LDB2: variants seen among roughly 807,000 people sequenced by gnomAD.
The protein encoded by LDB2 is LIM domain binding 2.
LDB2 carries 12 observed loss-of-function variants against 44.3 expected under a neutral mutation model. The ratio of observed to expected loss-of-function variants is 0.27; its 90% CI spans 0.17 to 0.44. The LOEUF is 0.44. Among genes scored for constraint, LDB2 ranks in the 20% least tolerant of loss-of-function variants. The pLI, the probability that LDB2 is intolerant of heterozygous loss-of-function variation, is 1.00. For synonymous variants in LDB2, 164 were observed against 174.8 expected, an observed-to-expected ratio of 0.94 and a Z score of 0.49; for missense variants, 344 against 473.5, an observed-to-expected ratio of 0.73 and a Z score of 2.54.
intron 1 of LDB2, among the ~76,000 whole-genome samples, chr4:16,771,553 C>T (rs978243520): frequency 3.9e-5 from 6 of 152,280 alleles, no homozygotes; most frequent in Admixed American, 3.3e-4. Flanking sequence ...CCAACTCCAT[C>T]CCCTACAAGC....
At chr4:16,732,783 T>C (rs1482734695) in intron 2 of LDB2, among the ~76,000 whole-genome samples, 1 of 152,094 alleles carries the variant, frequency 6.6e-6, no homozygotes, top group African/African-American at 2.4e-5. Context: ...GGAAAGAAAA[T>C]TGTGGGAGGC....
intron 2 of LDB2, among the ~76,000 whole-genome samples, chr4:16,635,237 C>T (rs895186287): frequency 6.6e-6 from 1 of 151,854 alleles, no homozygotes; most frequent in African/African-American, 2.4e-5. Flanking sequence ...ACATGTATAC[C>T]TATGTAACAA....
In LDB2 at chr4:16,723,082, GT is replaced by G. The variant is rs572970866; in HGVS notation, c.235+36075del. 7.9e-5 allele frequency among the ~76,000 whole-genome samples: 12 copies of G among 152,300 alleles called. No homozygotes were observed. In the South Asian group the frequency reaches 2.1e-3, roughly 26 times the overall value. ...GTAAGTTAAGGAGCATCTGTACTGT[GT>G]TTAATATAGCATGTAAGCTGCACAG... On this transcript the variant is annotated intron_variant, in intron 2 of 7. Coordinates refer to ENST00000304523, the MANE Select transcript of LDB2 (RefSeq NM_001290.5).
At chr4:16,522,134 G>T (rs1157718144) in intron 5 of LDB2, among the ~76,000 whole-genome samples, 1 of 132,226 alleles carries the variant, frequency 7.6e-6, no homozygotes, top group East Asian at 2.0e-4. Flanking sequence ...CTAGGTTCTG[G>T]CTTATGGAAA....
intron 2 of LDB2, among the ~76,000 whole-genome samples, chr4:16,747,978 A>T (rs1764721474): frequency 6.6e-6 from 1 of 152,236 alleles, no homozygotes; most frequent in Non-Finnish European, 1.5e-5. Context: ...AAATAAGATT[A>T]TTCAAAGGCA....
chr4:16,709,983 G>A (rs1755506973), intron 2 of LDB2, among the ~76,000 whole-genome samples: 1 of 152,138 alleles, frequency 6.6e-6, no homozygotes, highest in Admixed American at 6.6e-5. Context: ...GGCCATTTGA[G>A]ATTAGGAGCC....
chr4:16,851,608 T>G (rs1387701040), intron 1 of LDB2, among the ~76,000 whole-genome samples: 1 of 148,002 alleles, frequency 6.8e-6, no homozygotes, highest in Non-Finnish European at 1.5e-5. Flanking sequence ...AAAAAAAAAA[T>G]AATAAGAAAA....
At chr4:16,791,757 G>C (rs143732026) in intron 1 of LDB2, among the ~76,000 whole-genome samples, 124 of 152,126 alleles carry the variant, frequency 8.2e-4, no homozygotes, top group African/African-American at 2.9e-3. Context: ...AGGCTGGGAG[G>C]CTTGCACGAA....
At chr4:16,754,540 T>A (rs1459281891) in intron 2 of LDB2, among the ~76,000 whole-genome samples, 1 of 152,000 alleles carries the variant, frequency 6.6e-6, no homozygotes, top group Non-Finnish European at 1.5e-5. Flanking sequence ...TTTTTTTTTT[T>A]TTATTGAGAC....
chr4:16,640,195 T>C (rs1734751328), intron 2 of LDB2, among the ~76,000 whole-genome samples: 1 of 152,242 alleles, frequency 6.6e-6, no homozygotes, highest in South Asian at 2.1e-4. Context: ...CTACAAGGGA[T>C]AAGAGGACAA....
chr4:16,778,913 G>A (rs1470753454), intron 1 of LDB2, among the ~76,000 whole-genome samples: 1 of 152,136 alleles, frequency 6.6e-6, no homozygotes, highest in Non-Finnish European at 1.5e-5. Flanking sequence ...TGGTTTAAGG[G>A]CCCTTCCAGT....
chr4:16,692,463 G>T (rs922732477), intron 2 of LDB2, among the ~76,000 whole-genome samples: 1 of 152,082 alleles, frequency 6.6e-6, no homozygotes, highest in African/African-American at 2.4e-5. Context: ...ACTTCACCTT[G>T]GAAAGTAGCG....
At chr4:16,562,579 A>G (rs1742798808) in intron 5 of LDB2, among the ~76,000 whole-genome samples, 2 of 152,226 alleles carry the variant, frequency 1.3e-5, no homozygotes, top group South Asian at 4.1e-4. Context: ...GGTACTGGAG[A>G]GGATGTGGAC....
chr4:16,604,779 T>C (rs1457745565), intron 2 of LDB2, among the ~76,000 whole-genome samples: 1 of 152,162 alleles, frequency 6.6e-6, no homozygotes, highest in Admixed American at 6.5e-5. Context: ...TTTTCAGCAA[T>C]AAAGCAATTT....
chr4:16,746,102 G>A (rs1458047546), intron 2 of LDB2, among the ~76,000 whole-genome samples: 2 of 152,112 alleles, frequency 1.3e-5, no homozygotes, highest in African/African-American at 4.8e-5. Context: ...TATTGACCAT[G>A]GGCCTTTCTG....
chr4:16,659,640 TACACACACAC>T (rs560365429), intron 2 of LDB2, among the ~76,000 whole-genome samples: 1 of 100,172 alleles, frequency 1.0e-5, no homozygotes, highest in Non-Finnish European at 2.4e-5. Context: ...TTTATATATA[TACACACACAC>T]ATATGAGTAT....
At chr4:16,563,962 A>G (rs1743534272) in intron 5 of LDB2, among the ~76,000 whole-genome samples, 1 of 152,188 alleles carries the variant, frequency 6.6e-6, no homozygotes, top group Non-Finnish European at 1.5e-5. Flanking sequence ...GTAAAATAGA[A>G]TAAATACTCA....
At chr4:16,831,083 G>A (rs990141358) in intron 1 of LDB2, among the ~76,000 whole-genome samples, 2 of 151,866 alleles carry the variant, frequency 1.3e-5, no homozygotes, top group African/African-American at 2.4e-5. Context: ...GAATAGAACG[G>A]TGCAGAACTC....
chr4:16,502,290 T>G lies in LDB2; in HGVS notation c.*353A>C. ...TTAATGAGATCCTGAGCACTGAGCATTTATGGACAATATGGCCTTCGTTTG... is the reference window on the plus strand; with the variant it reads ...TTAATGAGATCCTGAGCACTGAGCAGTTATGGACAATATGGCCTTCGTTTG... On this transcript the variant is annotated 3_prime_UTR_variant, in exon 8 of 8. Coordinates refer to ENST00000304523, the MANE Select transcript of LDB2 (RefSeq NM_001290.5). The G allele has an allele frequency of 4.1e-6, 1 of 246,788 alleles. No homozygotes were observed. The highest frequency in any genetic ancestry group is 8.0e-6 in the Non-Finnish European group (1 of 124,356). The allele number at this position is 246,788 out of a possible 1,614,324, so 15.3% of individuals were successfully genotyped here.
Sources: allele counts gnomAD v4.1 joint callset (sites outside exome capture counted in the v4.1 genomes callset), GRCh38; gene constraint gnomAD v4.1.1; transcripts MANE v1.5; gene names NCBI Gene and HGNC (gene_info 2026-07-23, HGNC 2026-07-21).